The following THRAP3 variants were observed in gnomAD, a reference collection of about 807,000 sequenced individuals.
THRAP3 encodes thyroid hormone receptor associated protein 3, also known as thyroid hormone receptor-associated protein 3.
In THRAP3, 16 loss-of-function variants were observed where a neutral mutation model predicts 101.0. The observed-to-expected ratio is 0.16, with a 90% CI of 0.11 to 0.24. The LOEUF is 0.24. Ranked by LOEUF, THRAP3 falls within the 10% of genes least tolerant of loss-of-function variation. The pLI is 1.00. For synonymous variants in THRAP3, 407 were observed against 422.6 expected, an observed-to-expected ratio of 0.96 and a Z score of 0.45; for missense variants, 989 against 1,202.7, an observed-to-expected ratio of 0.82 and a Z score of 2.63.
chr1:36,302,701 CTG>C (rs1473341596), intron 11 of THRAP3, among the ~76,000 whole-genome samples: 3 of 152,172 alleles, frequency 2.0e-5, no homozygotes, highest in African/African-American at 7.2e-5. Context: ...GGTTTAGACT[CTG>C]AAGTCATGGG....
the THRAP3 span, among the ~76,000 whole-genome samples, chr1:36,210,513 A>T: frequency 0.059 from 8,658 of 146,742 alleles, 426 homozygotes; most frequent in African/African-American, 0.13. Flanking sequence ...ACATGGTGAA[A>T]CCCTGTCTCT....
At chr1:36,209,576 TA>T in the THRAP3 span, among the ~76,000 whole-genome samples, 1 of 152,114 alleles carries the variant, frequency 6.6e-6, no homozygotes, top group East Asian at 1.9e-4. Flanking sequence ...GACCAGATAA[TA>T]AAGTGCCTGT....
At chr1:36,287,659 T>C (rs755484546) in intron 4 of THRAP3, 49 of 985,338 alleles carry the variant, frequency 5.0e-5, no homozygotes, top group Non-Finnish European at 5.7e-5. Flanking sequence ...CCATCTACTA[T>C]GTTCGATCTG....
At chr1:36,270,419 G>A (rs982176419) in intron 2 of THRAP3, among the ~76,000 whole-genome samples, 4 of 151,978 alleles carry the variant, frequency 2.6e-5, no homozygotes, top group South Asian at 2.1e-4. Flanking sequence ...ACAGGCACAC[G>A]CACACGCACG....
intron 2 of THRAP3, among the ~76,000 whole-genome samples, chr1:36,260,271 A>G (rs1481347297): frequency 6.6e-6 from 1 of 152,052 alleles, no homozygotes; most frequent in African/African-American, 2.4e-5. Flanking sequence ...AAAGCTGTAT[A>G]TATTTGCAAA....
chr1:36,302,681 G>GT (rs1464792573), intron 11 of THRAP3, among the ~76,000 whole-genome samples: 5 of 152,160 alleles, frequency 3.3e-5, no homozygotes. Flanking sequence ...CCTAGCTTTT[G>GT]TGGGGGGGTG....
rs1443385511 is a variant in THRAP3, at chr1:36,286,364, C to A, written c.138-4C>A. On this transcript the variant is annotated splice_polypyrimidine_tract_variant and splice_region_variant and intron_variant, in intron 3 of 11. Transcript: ENST00000354618. This position sits in a 1 kb window ranked among gnomAD's most constrained non-coding sequence, Gnocchi z 5.5. The stretch of plus-strand genomic sequence containing the variant: ...AACATTTGTCTCTTTCCTTTCCATT[C>A]CAGTTCTAGGTCTCGTTCCAGATCA... 3 of 1,559,412 alleles carry A rather than the reference C, an allele frequency of 1.9e-6. No homozygotes were observed. The highest frequency in any genetic ancestry group is 2.6e-6 in the Non-Finnish European group (3 of 1,156,262).
intron 1 of THRAP3, among the ~76,000 whole-genome samples, chr1:36,242,450 A>ATT: frequency 1.1e-5 from 1 of 90,526 alleles, no homozygotes; most frequent in Non-Finnish European, 2.3e-5. Context: ...GTCTGTTTTG[A>ATT]TTTTTTTTTT....
At chr1:36,218,131 G>A in the THRAP3 span, among the ~76,000 whole-genome samples, 2 of 152,096 alleles carry the variant, frequency 1.3e-5, no homozygotes, top group African/African-American at 4.8e-5. Context: ...CTGGGAGGCC[G>A]AAGTGGGTGG....
intron 3 of THRAP3, among the ~76,000 whole-genome samples, chr1:36,283,184 A>G (rs539854222): frequency 6.6e-6 from 1 of 152,376 alleles, no homozygotes; most frequent in African/African-American, 2.4e-5. Context: ...AATTACTAAC[A>G]AGCTGCATCT....
chr1:36,244,002 C>T lies in THRAP3; in HGVS notation c.-134-15380C>T, dbSNP rs545852921. 6.7e-3 allele frequency among the ~76,000 whole-genome samples: 978 copies of T among 146,164 alleles called. 6 individuals are homozygous for T. Among genetic ancestry groups the T allele is most frequent in the African/African-American group, 0.024 (929 of 39,026 alleles). On this transcript the variant is annotated intron_variant, in intron 1 of 11. Coordinates refer to ENST00000354618, the MANE Select transcript of THRAP3 (RefSeq NM_005119.4). ...CCCCCCACCTCCCTCCCGGACGGGG[C>T]GGCTGGCCGGGCGGGGGGCTGACCC... is the stretch of plus-strand genomic sequence containing the variant.
Position 36,296,568 on chromosome 1 carries a change from C to A in THRAP3, c.2116-15C>A. 6.6e-7 allele frequency: 1 copy of A among 1,515,602 alleles called. No individual in the cohort carries two copies. The highest frequency in any genetic ancestry group is 8.8e-7 in the Non-Finnish European group (1 of 1,137,558). 93.9% of individuals were successfully genotyped at this position (1,515,602 alleles called of 1,614,324 possible). A position where few individuals can be genotyped will look rare whatever the true frequency, so the allele number is the denominator to read the frequency against. On this transcript the variant is annotated splice_polypyrimidine_tract_variant and intron_variant, in intron 8 of 11. Coordinates refer to ENST00000354618, the MANE Select transcript of THRAP3 (RefSeq NM_005119.4). ...TGAATCCCAGAAACCTTAATTTTGGCTTATCTTTTGATAGGCTGAGGGAAA... is the reference window on the plus strand; with the variant it reads ...TGAATCCCAGAAACCTTAATTTTGGATTATCTTTTGATAGGCTGAGGGAAA...
chr1:36,283,476 C>A (rs1156715466), intron 3 of THRAP3, among the ~76,000 whole-genome samples: 4 of 152,136 alleles, frequency 2.6e-5, no homozygotes, highest in Non-Finnish European at 4.4e-5. Flanking sequence ...CAGTAAATAA[C>A]AAGTTTCTAT....
At chr1:36,272,887 A>G (rs1057498533) in intron 2 of THRAP3, among the ~76,000 whole-genome samples, 5 of 152,220 alleles carry the variant, frequency 3.3e-5, no homozygotes, top group South Asian at 2.1e-4. Flanking sequence ...AATGATCTCA[A>G]TTTCTAGGTT....
intron 1 of THRAP3, among the ~76,000 whole-genome samples, chr1:36,256,876 A>G (rs1570276065): frequency 6.6e-6 from 1 of 151,498 alleles, no homozygotes; most frequent in Admixed American, 6.6e-5. Context: ...GCTCACCACA[A>G]CCTCTGCCTC....
intron 1 of THRAP3, among the ~76,000 whole-genome samples, chr1:36,240,439 A>G (rs944606519): frequency 6.6e-6 from 1 of 152,204 alleles, no homozygotes; most frequent in African/African-American, 2.4e-5. Flanking sequence ...GAGAGAGCAG[A>G]CTCAGCAAGC....
chr1:36,256,552 A>C (rs927954870), intron 1 of THRAP3, among the ~76,000 whole-genome samples: 5 of 151,922 alleles, frequency 3.3e-5, no homozygotes, highest in Non-Finnish European at 7.4e-5. Context: ...GGCATTATCT[A>C]CTAATTTCTT....
chr1:36,237,821 T>TTG (rs1553191657), intron 1 of THRAP3, among the ~76,000 whole-genome samples: 193 of 151,654 alleles, frequency 1.3e-3, no homozygotes, highest in African/African-American at 4.3e-3. Flanking sequence ...TAGGTTTTTT[T>TTG]TGTGTGTGTG....
At chr1:36,266,305 A>G (rs1307488289) in intron 2 of THRAP3, among the ~76,000 whole-genome samples, 1 of 152,134 alleles carries the variant, frequency 6.6e-6, no homozygotes. Flanking sequence ...CAGCCTGGGC[A>G]ACAGAGCCAG....
Sources: allele counts gnomAD v4.1 joint callset (sites outside exome capture counted in the v4.1 genomes callset), GRCh38; gene constraint gnomAD v4.1.1; non-coding constraint Gnocchi (gnomAD v3.1); transcripts MANE v1.5; gene names NCBI Gene and HGNC (gene_info 2026-07-23, HGNC 2026-07-21).